The following BCAT1 variants were observed in gnomAD, a reference collection of about 807,000 sequenced individuals.
The protein encoded by BCAT1 is branched-chain-amino-acid aminotransferase, cytosolic.
BCAT1 carries 48 observed loss-of-function variants against 52.4 expected under a neutral mutation model. That is an observed-to-expected ratio of 0.92 (90% CI 0.73 to 1.16). The LOEUF (loss-of-function observed/expected upper bound fraction) is 1.16, where lower values mean the gene tolerates loss of function less well. Ranked by LOEUF, BCAT1 falls within the 50% of genes most tolerant of loss-of-function variation. BCAT1 has a pLI of 0.00. For synonymous variants in BCAT1, 167 were observed against 161.3 expected (o/e 1.04, Z -0.27); for missense variants, 451 against 457.1 (o/e 0.99, Z 0.12).
intron 5 of BCAT1, among the ~76,000 whole-genome samples, chr12:24,853,831 A>G (rs1029980268): frequency 2.0e-5 from 3 of 152,136 alleles, no homozygotes; most frequent in Non-Finnish European, 4.4e-5. Context: ...TTGGCTTTTT[A>G]CTCTACTAGC....
At chr12:24,908,461 G>T (rs755919975) in intron 1 of BCAT1, among the ~76,000 whole-genome samples, 40 of 152,316 alleles carry the variant, frequency 2.6e-4, no homozygotes, top group South Asian at 6.2e-4. Flanking sequence ...GCTGGGCCGG[G>T]CATGGTGGCT....
At chr12:24,910,378 A>AAAATAAATAAAT (rs57340584) in intron 1 of BCAT1, among the ~76,000 whole-genome samples, 1 of 146,136 alleles carries the variant, frequency 6.8e-6, no homozygotes, top group African/African-American at 2.5e-5. Flanking sequence ...CTCTGTCTCA[A>AAAATAAATAAAT]AAATAAATAA....
In BCAT1 at chr12:24,842,145, C is replaced by T. The variant is rs1418409113; in HGVS notation, c.754G>A (p.Asp252Asn). 6.2e-7 allele frequency: 1 copy of T among 1,613,756 alleles called. No homozygotes were observed. The highest frequency in any genetic ancestry group is 1.3e-5 in the African/African-American group (1 of 75,030). ...GTTCCCACTTCAGTGATCTGATGGT[C>T]CTCTCCATAGAGCCACAGGACCTGC... is the stretch of plus-strand genomic sequence containing the variant. Reference protein sequence around the residue: ...CQQVLWLYGEDHQITEVGTMN... With the variant: ...CQQVLWLYGENHQITEVGTMN... The change falls in exon 7 of 11, where the codon GAC (aspartate) becomes AAC (asparagine). Residue 252 changes from aspartate (D) to asparagine (N), a missense_variant. Asp to Asn is a conservative substitution (Grantham distance 23, BLOSUM62 1). Coordinates refer to ENST00000261192, the MANE Select transcript of BCAT1 (RefSeq NM_005504.7).
chr12:24,830,448 T>C (rs17313239), intron 9 of BCAT1: 17,009 of 152,182 alleles, frequency 0.11, 1,076 homozygotes, highest in Non-Finnish European at 0.13. Flanking sequence ...CAATATTGGA[T>C]AGCATGATTA....
chr12:24,929,246 C>T (rs1033126786), intron 1 of BCAT1, among the ~76,000 whole-genome samples: 3 of 152,152 alleles, frequency 2.0e-5, no homozygotes, highest in East Asian at 3.8e-4. Context: ...CTTTGGGATC[C>T]GTGTTTCCCT....
At chr12:24,836,905 AGAG>A (rs1169321593) in intron 7 of BCAT1, among the ~76,000 whole-genome samples, 691 of 19,962 alleles carry the variant, frequency 0.035, 45 homozygotes, top group East Asian at 0.29. Flanking sequence ...AAGAAAAGAA[AGAG>A]AGAAAGAAAG....
intron 5 of BCAT1, among the ~76,000 whole-genome samples, chr12:24,868,843 A>G (rs1375812885): frequency 1.3e-5 from 2 of 152,244 alleles, no homozygotes; most frequent in Non-Finnish European, 2.9e-5. Context: ...GTGACAAAGC[A>G]AGACACAGAC....
At chr12:24,830,471 A>C (rs1429563016) in intron 9 of BCAT1, 1 of 152,232 alleles carries the variant, frequency 6.6e-6, no homozygotes, top group East Asian at 1.9e-4. Context: ...TGCATGGCTG[A>C]AAGAGATTTC....
chr12:24,906,063 C>T (rs1435703085), intron 1 of BCAT1, among the ~76,000 whole-genome samples: 1 of 151,476 alleles, frequency 6.6e-6, no homozygotes, highest in Non-Finnish European at 1.5e-5. Flanking sequence ...GTGGCATGTG[C>T]CTGTAGTCCC....
chr12:24,818,735 T>C (rs906932837), intron 10 of BCAT1, among the ~76,000 whole-genome samples: 2 of 152,222 alleles, frequency 1.3e-5, no homozygotes, highest in Non-Finnish European at 2.9e-5. Flanking sequence ...AACTGTATCA[T>C]AGTCAGAATT....
intron 3 of BCAT1, 85 bp downstream of exon 3, chr12:24,894,188 GCC>G: frequency 7.5e-7 from 1 of 1,329,232 alleles, no homozygotes; most frequent in Non-Finnish European, 1.1e-6. Flanking sequence ...AGCCCATACT[GCC>G]CAAGAGCTAT....
At position 24,816,664 on chromosome 12, in the gene BCAT1, TATG is replaced by T; in HGVS notation, c.*1341_*1343del. 1 of 397,354 alleles carries T rather than the reference TATG, an allele frequency of 2.5e-6. No homozygotes were observed. The highest frequency in any genetic ancestry group is 4.4e-6 in the Non-Finnish European group (1 of 225,330). The allele number at this position is 397,354 out of a possible 1,614,324, so 24.6% of individuals were successfully genotyped here. A position where few individuals can be genotyped will look rare whatever the true frequency, so the allele number is the denominator to read the frequency against. On this transcript the variant is annotated 3_prime_UTR_variant, in exon 11 of 11. Coordinates refer to ENST00000261192, the MANE Select transcript of BCAT1 (RefSeq NM_005504.7). ...ACATTTGTCATTTCCATTTGGTTGG[TATG>T]ATATCATGACCTCTCTCTAGAGCAG...
At chr12:24,826,383 T>C (rs1053234917) in intron 10 of BCAT1, among the ~76,000 whole-genome samples, 15 of 152,302 alleles carry the variant, frequency 9.8e-5, no homozygotes, top group African/African-American at 3.4e-4. Context: ...GCACCATTTA[T>C]TGAAAAGACT....
At chr12:24,821,822 A>C (rs1455591318) in intron 10 of BCAT1, among the ~76,000 whole-genome samples, 1 of 152,202 alleles carries the variant, frequency 6.6e-6, no homozygotes, top group Non-Finnish European at 1.5e-5. Flanking sequence ...TGGAGGAAGA[A>C]GCAGCATTCA....
At chr12:24,891,291 G>A (rs1416179215) in intron 3 of BCAT1, among the ~76,000 whole-genome samples, 1 of 152,102 alleles carries the variant, frequency 6.6e-6, no homozygotes, top group Non-Finnish European at 1.5e-5. Flanking sequence ...GGCAATGAAA[G>A]TGACCTCTGG....
intron 5 of BCAT1, among the ~76,000 whole-genome samples, chr12:24,864,531 G>A (rs1055653184): frequency 6.6e-5 from 10 of 152,242 alleles, no homozygotes; most frequent in African/African-American, 2.4e-4. Flanking sequence ...GCCTGCTTAC[G>A]TGGTCACCCT....
Position 24,813,494 on chromosome 12 carries a change from C to T in BCAT1, c.*4514G>A, listed in dbSNP as rs922227508. 7.9e-5 allele frequency: 12 copies of T among 151,934 alleles called. No homozygotes were observed. Among genetic ancestry groups the T allele is most frequent in the African/African-American group, 2.7e-4 (11 of 41,396 alleles). 9.4% of individuals were successfully genotyped at this position (151,934 alleles called of 1,614,324 possible). The stretch of plus-strand genomic sequence containing the variant: ...CTAGGATCATTTTCTTTGTTTATTT[C>T]CATCTAATCTGGCTTTGCTGAGAAA... On this transcript the variant is annotated 3_prime_UTR_variant, in exon 11 of 11. Coordinates refer to ENST00000261192, the MANE Select transcript of BCAT1 (RefSeq NM_005504.7).
At chr12:24,903,125 G>C in intron 1 of BCAT1, 2 of 1,320,964 alleles carry the variant, frequency 1.5e-6, no homozygotes, top group Non-Finnish European at 1.9e-6. Flanking sequence ...GGGGCCGCGC[G>C]CCAGGGCCAG....
Position 24,832,742 on chromosome 12 carries a change from T to A in BCAT1, c.1025A>T (p.Asp342Val). 6.2e-7 allele frequency: 1 copy of A among 1,611,172 alleles called. No individual in the cohort carries two copies. Among genetic ancestry groups the A allele is most frequent in the Non-Finnish European group, 8.5e-7 (1 of 1,178,580 alleles). The change falls in exon 9 of 11, where the codon GAT becomes GTT. Residue 342 changes from aspartate (D) to valine (V), a missense_variant. Asp to Val is a radical substitution (Grantham distance 152, BLOSUM62 -3). Transcript: ENST00000261192. ...GTACVVCPVS[D>V]ILYKGETIHI... is the part of the protein sequence containing the mutation. ...TCGTACCTCGCCTTTGTACAGTATA[T>A]CAGAAACTGGGCAAACAACACAGGC...
Sources: allele counts gnomAD v4.1 joint callset (sites outside exome capture counted in the v4.1 genomes callset), GRCh38; gene constraint gnomAD v4.1.1; transcripts MANE v1.5; gene names NCBI Gene and HGNC (gene_info 2026-07-23, HGNC 2026-07-21).